AGPS: variants seen among roughly 807,000 people sequenced by gnomAD.
The protein encoded by AGPS is alkylglycerone phosphate synthase.
AGPS carries 26 observed loss-of-function variants against 90.7 expected under a neutral mutation model. The ratio of observed to expected loss-of-function variants is 0.29; its 90% CI spans 0.21 to 0.40. The LOEUF (loss-of-function observed/expected upper bound fraction) is 0.40. Ranked by LOEUF, AGPS falls within the 10% of genes least tolerant of loss-of-function variation. The pLI is 1.00. For missense variants in AGPS, 540 were observed against 816.1 expected (o/e 0.66, Z 4.12); for synonymous variants, 294 against 285.3 (o/e 1.03, Z -0.31).
intron 8 of AGPS, among the ~76,000 whole-genome samples, chr2:177,455,678 G>A (rs937194566): frequency 6.6e-6 from 1 of 151,980 alleles, no homozygotes; most frequent in Non-Finnish European, 1.5e-5. Flanking sequence ...GGTAGAGGGG[G>A]AAGTTCCTGC....
chr2:177,524,983 CTCTTA>C (rs1344965804), intron 19 of AGPS, among the ~76,000 whole-genome samples: 1 of 152,190 alleles, frequency 6.6e-6, no homozygotes, highest in Non-Finnish European at 1.5e-5. Context: ...CTATACTTTT[CTCTTA>C]ACCCCCACAA....
intron 9 of AGPS, among the ~76,000 whole-genome samples, chr2:177,464,462 C>A (rs1218341175): frequency 6.6e-6 from 1 of 152,152 alleles, no homozygotes; most frequent in African/African-American, 2.4e-5. Context: ...ATGCTCATAG[C>A]TTATTTAACT....
intron 16 of AGPS, 101 bp from the exon 17 acceptor site, chr2:177,513,718 A>C: frequency 1.2e-6 from 1 of 857,508 alleles, no homozygotes; most frequent in Non-Finnish European, 1.9e-6. Context: ...TTTAGCTAAG[A>C]AAATGTCAGA....
chr2:177,476,421 T>C (rs1308255049), intron 10 of AGPS, among the ~76,000 whole-genome samples: 1 of 152,178 alleles, frequency 6.6e-6, no homozygotes, highest in African/African-American at 2.4e-5. Context: ...ATTTCTTCTT[T>C]GACTCGATTA....
chr2:177,469,112 C>A (rs1475011901), intron 10 of AGPS, among the ~76,000 whole-genome samples: 1 of 151,804 alleles, frequency 6.6e-6, no homozygotes, highest in African/African-American at 2.4e-5. Context: ...AAAGAAGTAA[C>A]CTTAAAATAA....
chr2:177,433,266 G>A (rs1340598171), intron 2 of AGPS, among the ~76,000 whole-genome samples: 1 of 152,162 alleles, frequency 6.6e-6, no homozygotes, highest in Non-Finnish European at 1.5e-5. Context: ...TATCCAAATG[G>A]ACAATAGTTA....
intron 14 of AGPS, among the ~76,000 whole-genome samples, chr2:177,502,365 T>G (rs1230832316): frequency 6.6e-6 from 1 of 151,736 alleles, no homozygotes; most frequent in African/African-American, 2.4e-5. Flanking sequence ...ACAACCCAGA[T>G]TGTTATTTGG....
At chr2:177,509,404 C>T (rs1051517260) in intron 16 of AGPS, among the ~76,000 whole-genome samples, 5 of 152,144 alleles carry the variant, frequency 3.3e-5, no homozygotes, top group Admixed American at 1.3e-4. Context: ...CGGTGGCTCA[C>T]GCCTATAATC....
chr2:177,528,234 G>C (rs2079106825), intron 19 of AGPS, among the ~76,000 whole-genome samples: 1 of 152,126 alleles, frequency 6.6e-6, no homozygotes, highest in Non-Finnish European at 1.5e-5. Context: ...TTCTGCAGTA[G>C]CCTCCTAACT....
chr2:177,401,237 A>G (rs940406932), intron 1 of AGPS, among the ~76,000 whole-genome samples: 1 of 152,208 alleles, frequency 6.6e-6, no homozygotes, highest in African/African-American at 2.4e-5. Context: ...ATTCTCTAGA[A>G]CTTATTTATC....
intron 19 of AGPS, among the ~76,000 whole-genome samples, chr2:177,537,762 CT>C (rs1432377640): frequency 6.6e-6 from 1 of 151,966 alleles, no homozygotes; most frequent in African/African-American, 2.4e-5. Flanking sequence ...GAGGTGGGTT[CT>C]TTCGAAATGC....
At chr2:177,410,329 A>G (rs984682402) in intron 1 of AGPS, among the ~76,000 whole-genome samples, 1 of 152,112 alleles carries the variant, frequency 6.6e-6, no homozygotes, top group Non-Finnish European at 1.5e-5. Flanking sequence ...AGGTTTCTGT[A>G]CAGCCAGTAG....
At chr2:177,512,289 A>G (rs1175694240) in intron 16 of AGPS, among the ~76,000 whole-genome samples, 1 of 152,158 alleles carries the variant, frequency 6.6e-6, no homozygotes, top group Admixed American at 6.5e-5. Flanking sequence ...CTTGCCATGC[A>G]TAAGTGATGC....
chr2:177,510,560 C>A (rs1392700701), intron 16 of AGPS, among the ~76,000 whole-genome samples: 1 of 152,112 alleles, frequency 6.6e-6, no homozygotes, highest in Non-Finnish European at 1.5e-5. Flanking sequence ...ATTCTTCCAA[C>A]TGTGGAAGCT....
rs958422978 is a variant in AGPS at position 177,507,897 on chromosome 2, G to T, written c.1546-73G>T. ...AACATGTGATACTAACAATGAATAT[G>T]AAAGACTAACAGTGTTATTGATTCT... On this transcript the variant is annotated intron_variant, in intron 15 of 19. Transcript: ENST00000264167. 5.8e-6 allele frequency: 6 copies of T among 1,034,782 alleles called. No homozygotes were observed. The South Asian group carries it at 7.6e-5, about 13-fold the overall frequency. 64.1% of individuals were successfully genotyped at this position (1,034,782 alleles called of 1,614,324 possible). A position where few individuals can be genotyped will look rare whatever the true frequency, so the allele number is the denominator to read the frequency against.
intron 9 of AGPS, among the ~76,000 whole-genome samples, chr2:177,462,653 T>A (rs1432413107): frequency 6.6e-6 from 1 of 151,172 alleles, no homozygotes; most frequent in East Asian, 1.9e-4. Flanking sequence ...CAAATGCAGC[T>A]CAAAAATATT....
rs776964250 is a variant in AGPS, at chr2:177,525,855, A to G, written c.1855+2050A>G. On this transcript the variant is annotated intron_variant, in intron 19 of 19. Coordinates refer to ENST00000264167, the MANE Select transcript of AGPS (RefSeq NM_003659.4). ...AATTCAAGTCCCTCTAATAGTGTCT[A>G]TTTGTAAGATGCAGAAAGTGTAATA... Among the ~76,000 whole-genome samples, 14 of 152,198 alleles carry G rather than the reference A, an allele frequency of 9.2e-5. 1 individual carries two copies. The highest frequency in any genetic ancestry group is 1.6e-4 in the Non-Finnish European group (11 of 68,026).
chr2:177,449,650 C>T (rs1233937426), intron 8 of AGPS, among the ~76,000 whole-genome samples: 1 of 152,144 alleles, frequency 6.6e-6, no homozygotes, highest in African/African-American at 2.4e-5. Flanking sequence ...TGTTCCTGAA[C>T]TCCTGGGCTC....
intron 12 of AGPS, among the ~76,000 whole-genome samples, chr2:177,494,541 G>A (rs1688357954): frequency 6.6e-6 from 1 of 152,110 alleles, no homozygotes; most frequent in Non-Finnish European, 1.5e-5. Flanking sequence ...GTTAGACCTA[G>A]GCATTTGTAA....
Sources: allele counts gnomAD v4.1 joint callset (sites outside exome capture counted in the v4.1 genomes callset), GRCh38; gene constraint gnomAD v4.1.1; transcripts MANE v1.5; gene names NCBI Gene and HGNC (gene_info 2026-07-23, HGNC 2026-07-21).